The following SUGCT variants were observed in gnomAD, a reference collection of about 807,000 sequenced individuals.
SUGCT encodes succinyl-CoA:glutarate-CoA transferase.
In SUGCT, 41 loss-of-function variants were observed where a neutral mutation model predicts 55.0. The observed-to-expected ratio is 0.74, with a 90% CI of 0.58 to 0.97. The LOEUF is 0.97. SUGCT is among the 50% of genes least tolerant of loss of function. SUGCT has a pLI of 0.00. For synonymous variants in SUGCT, 187 were observed against 200.4 expected, an observed-to-expected ratio of 0.93 and a Z score of 0.56; for missense variants, 568 against 547.8, an observed-to-expected ratio of 1.04 and a Z score of -0.37.
chr7:40,159,190 G>A (rs1233604442), intron 1 of SUGCT, among the ~76,000 whole-genome samples: 3 of 152,082 alleles, frequency 2.0e-5, no homozygotes, highest in Non-Finnish European at 4.4e-5. Context: ...AAAGTGCTGG[G>A]ATTATAGGTG....
intron 13 of SUGCT, among the ~76,000 whole-genome samples, chr7:40,764,840 C>A (rs888251408): frequency 6.6e-6 from 1 of 152,118 alleles, no homozygotes; most frequent in East Asian, 1.9e-4. Context: ...AGTAAGATCA[C>A]AGCTGGGACT....
the SUGCT span, among the ~76,000 whole-genome samples, chr7:40,881,036 AAACATAACAG>A: frequency 1.2e-4 from 18 of 152,326 alleles, no homozygotes; most frequent in African/African-American, 1.7e-4. Flanking sequence ...TGGGATTAGA[AAACATAACAG>A]AACATAACTT....
At chr7:40,895,355 A>G in the SUGCT span, among the ~76,000 whole-genome samples, 3 of 152,098 alleles carry the variant, frequency 2.0e-5, no homozygotes, top group Non-Finnish European at 4.4e-5. Flanking sequence ...AAAAATACCT[A>G]TTGGGTACTA....
intron 11 of SUGCT, among the ~76,000 whole-genome samples, chr7:40,472,674 A>T (rs1183172363): frequency 6.6e-6 from 1 of 151,590 alleles, no homozygotes; most frequent in Non-Finnish European, 1.5e-5. Flanking sequence ...ATAATAATAA[A>T]AACTTCAGGG....
the SUGCT span, among the ~76,000 whole-genome samples, chr7:40,960,292 G>A: frequency 6.6e-6 from 1 of 152,172 alleles, no homozygotes; most frequent in African/African-American, 2.4e-5. Context: ...GTGAAACAAT[G>A]AGAGTTGTTT....
chr7:40,147,992 C>T (rs1788350612), intron 1 of SUGCT, among the ~76,000 whole-genome samples: 1 of 152,210 alleles, frequency 6.6e-6, no homozygotes, highest in Admixed American at 6.5e-5. Flanking sequence ...CCCTGATGCA[C>T]ATGGCCCCTG....
intron 6 of SUGCT, among the ~76,000 whole-genome samples, chr7:40,221,635 C>T (rs1219987483): frequency 1.3e-5 from 2 of 150,438 alleles, no homozygotes; most frequent in African/African-American, 4.9e-5. Flanking sequence ...GGATTACAGG[C>T]GTGTGCCACC....
intron 6 of SUGCT, among the ~76,000 whole-genome samples, chr7:40,229,984 G>C (rs6969419): frequency 0.61 from 93,015 of 152,020 alleles, 29,152 homozygotes; most frequent in African/African-American, 0.77. Context: ...ATTCTCCTTT[G>C]AGGTAAACAG....
At chr7:40,507,246 G>A (rs991321093) in intron 12 of SUGCT, among the ~76,000 whole-genome samples, 1 of 152,150 alleles carries the variant, frequency 6.6e-6, no homozygotes, top group Non-Finnish European at 1.5e-5. Flanking sequence ...TCTGCGAAAT[G>A]TTCCTCGCCA....
intron 11 of SUGCT, among the ~76,000 whole-genome samples, chr7:40,473,371 A>G (rs1790500891): frequency 6.6e-6 from 1 of 152,148 alleles, no homozygotes; most frequent in Non-Finnish European, 1.5e-5. Context: ...CCCAATAGCA[A>G]TAGTAGTTGG....
At chr7:40,205,963 G>A (rs1447074668) in intron 6 of SUGCT, among the ~76,000 whole-genome samples, 1 of 151,970 alleles carries the variant, frequency 6.6e-6, no homozygotes, top group African/African-American at 2.4e-5. Flanking sequence ...TTTCATCTTT[G>A]GTCTCTAATT....
At chr7:40,244,864 T>G (rs1789711104) in intron 7 of SUGCT, among the ~76,000 whole-genome samples, 1 of 152,272 alleles carries the variant, frequency 6.6e-6, no homozygotes, top group South Asian at 2.1e-4. Flanking sequence ...GTCCTCTGTA[T>G]GATTATGTTG....
chr7:40,685,876 GA>G (rs1784442095), intron 12 of SUGCT, among the ~76,000 whole-genome samples: 1 of 151,946 alleles, frequency 6.6e-6, no homozygotes, highest in Non-Finnish European at 1.5e-5. Context: ...CATCTCTATT[GA>G]AAAAAATTCA....
chr7:40,407,654 T>C (rs1786450673), intron 9 of SUGCT, among the ~76,000 whole-genome samples: 1 of 152,116 alleles, frequency 6.6e-6, no homozygotes, highest in African/African-American at 2.4e-5. Context: ...TCGTTCTATT[T>C]TGGCACTCCT....
At chr7:40,460,112 T>C (rs917796397) in intron 11 of SUGCT, among the ~76,000 whole-genome samples, 1 of 152,220 alleles carries the variant, frequency 6.6e-6, no homozygotes, top group Non-Finnish European at 1.5e-5. Flanking sequence ...AGAACTAAAA[T>C]TCCGCTGTTT....
At chr7:40,490,552 G>C (rs1468044312) in intron 11 of SUGCT, among the ~76,000 whole-genome samples, 1 of 152,134 alleles carries the variant, frequency 6.6e-6, no homozygotes, top group Non-Finnish European at 1.5e-5. Context: ...GTTTTTCTCA[G>C]TTTTTTGGTG....
chr7:40,331,539 A>G (rs1469416726), intron 9 of SUGCT, among the ~76,000 whole-genome samples: 1 of 152,164 alleles, frequency 6.6e-6, no homozygotes, highest in Non-Finnish European at 1.5e-5. Flanking sequence ...CACATAGCAT[A>G]TGTTCAGTAG....
chr7:40,729,466 G>A (rs1415595319), intron 12 of SUGCT, among the ~76,000 whole-genome samples: 2 of 152,232 alleles, frequency 1.3e-5, no homozygotes, highest in Admixed American at 6.5e-5. Context: ...GTAGAGTCTT[G>A]CAGGACACAT....
intron 12 of SUGCT, among the ~76,000 whole-genome samples, chr7:40,589,881 TA>T (rs1797619414): frequency 6.6e-6 from 1 of 152,236 alleles, no homozygotes; most frequent in Admixed American, 6.5e-5. Context: ...CATTTCTAAC[TA>T]CAAGGAATGC....
Sources: gnomAD v4.1 joint callset for allele counts (sites outside exome capture counted in the v4.1 genomes callset) on GRCh38, gnomAD v4.1.1 for gene constraint, MANE v1.5 for transcripts, NCBI Gene and HGNC (gene_info 2026-07-23, HGNC 2026-07-21) for gene names.